Variants in MED13L observed in about 807,000 individuals in gnomAD.
MED13L encodes mediator complex subunit 13L.
MED13L carries 7 observed loss-of-function variants against 220.9 expected under a neutral mutation model. That is an observed-to-expected ratio of 0.03 (90% confidence interval 0.02 to 0.06). The LOEUF is 0.06. Among genes scored for constraint, MED13L ranks in the 10% least tolerant of loss-of-function variants. The pLI is 1.00. For synonymous variants in MED13L, 1,011 were observed against 1,015.2 expected, an observed-to-expected ratio of 1.00 and a Z score of 0.08; for missense variants, 1,965 against 2,760.5, an observed-to-expected ratio of 0.71 and a Z score of 6.46.
At chr12:116,202,482 CTG>C (rs538362282) in intron 2 of MED13L, among the ~76,000 whole-genome samples, 3 of 152,126 alleles carry the variant, frequency 2.0e-5, no homozygotes, top group Non-Finnish European at 4.4e-5. Context: ...AAATATAACA[CTG>C]TATCTACTCA....
intron 4 of MED13L, among the ~76,000 whole-genome samples, chr12:116,054,610 C>T (rs371131622): frequency 6.6e-6 from 1 of 152,086 alleles, no homozygotes; most frequent in African/African-American, 2.4e-5. Context: ...AGATACTTAA[C>T]GGTAATGACT....
At chr12:116,096,879 T>C in intron 3 of MED13L, 127 bp from the exon 4 acceptor site, 1 of 724,762 alleles carries the variant, frequency 1.4e-6, no homozygotes, top group Non-Finnish European at 2.4e-6. Context: ...ATCAAAATGT[T>C]TTATCACTTA....
chr12:116,085,276 G>T (rs768988245), intron 4 of MED13L, among the ~76,000 whole-genome samples: 1 of 151,966 alleles, frequency 6.6e-6, no homozygotes, highest in Non-Finnish European at 1.5e-5. Flanking sequence ...TAAAATAAGG[G>T]TCACAAACAG....
intron 4 of MED13L, among the ~76,000 whole-genome samples, chr12:116,028,039 T>C (rs780205635): frequency 5.9e-5 from 9 of 152,208 alleles, no homozygotes; most frequent in Admixed American, 1.3e-4. Flanking sequence ...GATGAACCAA[T>C]AGGGCTAAAA....
chr12:116,115,275 G>A (rs186700718), intron 2 of MED13L, among the ~76,000 whole-genome samples: 104 of 152,028 alleles, frequency 6.8e-4, no homozygotes, highest in Non-Finnish European at 1.1e-3. Flanking sequence ...TTCAACAAAG[G>A]TGCCAAGGCA....
intron 2 of MED13L, among the ~76,000 whole-genome samples, chr12:116,165,736 C>A (rs1275837218): frequency 1.3e-5 from 2 of 152,050 alleles, no homozygotes; most frequent in Non-Finnish European, 2.9e-5. Context: ...TCCTCAAGAC[C>A]CCACCTTCAA....
chr12:116,183,814 G>GTA (rs1555220622), intron 2 of MED13L, among the ~76,000 whole-genome samples: 4 of 84,116 alleles, frequency 4.8e-5, no homozygotes, highest in African/African-American at 1.1e-4. Flanking sequence ...GTGTGTGTGT[G>GTA]TGTGTATGTG....
intron 2 of MED13L, among the ~76,000 whole-genome samples, chr12:116,178,485 T>C (rs570866289): frequency 2.9e-4 from 44 of 152,194 alleles, no homozygotes; most frequent in Non-Finnish European, 5.9e-4. Flanking sequence ...TGCATAACTA[T>C]GAAAAGCTAT....
chr12:115,968,053 T>TC (rs57877420), intron 28 of MED13L, among the ~76,000 whole-genome samples: 1,528 of 40,566 alleles, frequency 0.038, 96 homozygotes, highest in South Asian at 0.059. Context: ...GGAATAAAAG[T>TC]CCCCCCCCCC....
At chr12:115,974,782 CCAAA>C (rs928391479) in intron 25 of MED13L, among the ~76,000 whole-genome samples, 36 of 152,300 alleles carry the variant, frequency 2.4e-4, no homozygotes, top group African/African-American at 8.2e-4. Flanking sequence ...TCATCAACCA[CCAAA>C]CAAATTGAAG....
chr12:116,127,848 T>C (rs1387228344), intron 2 of MED13L, among the ~76,000 whole-genome samples: 2 of 152,196 alleles, frequency 1.3e-5, no homozygotes, highest in Non-Finnish European at 2.9e-5. Flanking sequence ...TGGCTTCTCA[T>C]GGAATTAATA....
At chr12:116,077,563 C>G (rs901260204) in intron 4 of MED13L, among the ~76,000 whole-genome samples, 3 of 152,056 alleles carry the variant, frequency 2.0e-5, no homozygotes, top group African/African-American at 4.8e-5. Context: ...GTTATGTATA[C>G]CACTGGATAT....
chr12:116,034,018 T>C (rs1416708095), intron 4 of MED13L, among the ~76,000 whole-genome samples: 1 of 152,064 alleles, frequency 6.6e-6, no homozygotes, highest in East Asian at 1.9e-4. Flanking sequence ...TTCATATCTC[T>C]ATGGTTCTGC....
intron 1 of MED13L, among the ~76,000 whole-genome samples, chr12:116,253,649 A>T (rs1222326172): frequency 2.0e-5 from 3 of 151,926 alleles, no homozygotes; most frequent in African/African-American, 4.8e-5. Flanking sequence ...TTAGAAACCC[A>T]TCAGTATAAT....
chr12:116,001,078 T>C (rs1027934187), intron 14 of MED13L, among the ~76,000 whole-genome samples: 11 of 152,226 alleles, frequency 7.2e-5, no homozygotes, highest in African/African-American at 2.7e-4. Flanking sequence ...ATACTGTATA[T>C]TATTAAAATT....
At chr12:116,125,956 A>AGAAT (rs2137979730) in intron 2 of MED13L, among the ~76,000 whole-genome samples, 1 of 152,362 alleles carries the variant, frequency 6.6e-6, no homozygotes, top group East Asian at 1.9e-4. Flanking sequence ...TTTAAAAGAC[A>AGAAT]GAATGTACAA....
chr12:116,067,452 C>T (rs1157573248), intron 4 of MED13L, among the ~76,000 whole-genome samples: 1 of 152,076 alleles, frequency 6.6e-6, no homozygotes. Context: ...TTTGGAGATC[C>T]CCCATCAGAA....
At position 116,057,038 on chromosome 12, in the gene MED13L, A is replaced by T. The variant is rs528753680; in HGVS notation, c.480-34437T>A. ...TAAATCATTCTGGTAAAAGAATAAA[A>T]ATGGTCTCTTTCTCTCATAAGATTT... is the stretch of plus-strand genomic sequence containing the variant. On this transcript the variant is annotated intron_variant, in intron 4 of 30. Transcript: ENST00000281928. Among the ~76,000 whole-genome samples, 8 of 152,354 alleles carry T rather than the reference A, an allele frequency of 5.3e-5. No individual in the cohort carries two copies. The South Asian group carries it at 1.2e-3, about 24-fold the overall frequency.
intron 1 of MED13L, among the ~76,000 whole-genome samples, chr12:116,240,564 G>A (rs1397362209): frequency 1.4e-5 from 2 of 147,458 alleles, no homozygotes; most frequent in Non-Finnish European, 3.0e-5. Context: ...ACGGAGTCTC[G>A]CCCTGTCACC....
Sources: allele counts gnomAD v4.1 joint callset (sites outside exome capture counted in the v4.1 genomes callset), GRCh38; gene constraint gnomAD v4.1.1; transcripts MANE v1.5; gene names NCBI Gene and HGNC (gene_info 2026-07-23, HGNC 2026-07-21).